REPS2: variants seen among roughly 807,000 people sequenced by gnomAD.
REPS2 encodes the protein ralBP1-associated Eps domain-containing protein 2.
In REPS2, 23 loss-of-function variants were observed where a neutral mutation model predicts 53.6. The ratio of observed to expected loss-of-function variants is 0.43; its 90% CI spans 0.31 to 0.61. The LOEUF (loss-of-function observed/expected upper bound fraction) is 0.61. REPS2 is among the 20% of genes least tolerant of loss of function. The pLI is 0.11. For missense variants in REPS2, 446 were observed against 534.9 expected, an observed-to-expected ratio of 0.83 and a Z score of 1.64; for synonymous variants, 238 against 218.6, an observed-to-expected ratio of 1.09 and a Z score of -0.78.
In REPS2 at chrX:17,052,386, T is replaced by C. The variant is rs747246263; in HGVS notation, c.912T>C (p.Ser304=). ...TTAAACAATGGCACTTGACAGGTTCTGTGGCCAAGAACTTCTTCACCAAAT... is the reference window on the plus strand; with the variant it reads ...TTAAACAATGGCACTTGACAGGTTCCGTGGCCAAGAACTTCTTCACCAAAT... The part of the protein sequence containing the change: ...QPDPSSFISG[S]VAKNFFTKSK... Residue 304 remains serine (S), a synonymous_variant, in exon 7 of 18, where the codon TCT becomes TCC. Coordinates refer to ENST00000357277, the MANE Select transcript of REPS2 (RefSeq NM_004726.3). The C allele has an allele frequency of 1.7e-6, 2 of 1,206,920 alleles. No homozygotes were observed. Among genetic ancestry groups the C allele is most frequent in the Admixed American group, 4.4e-5 (2 of 45,522 alleles).
intron 1 of REPS2, among the ~76,000 whole-genome samples, chrX:17,004,521 C>T (rs1283287080): frequency 2.8e-5 from 3 of 106,826 alleles, no homozygotes; most frequent in African/African-American, 6.9e-5. Flanking sequence ...TGGTATGTCT[C>T]TTGGAGGTTT....
At chrX:17,071,961 G>T (rs1299864538) in intron 11 of REPS2, among the ~76,000 whole-genome samples, 1 of 111,654 alleles carries the variant, frequency 9.0e-6, no homozygotes, top group Non-Finnish European at 1.9e-5. Flanking sequence ...ATTCAGCAGA[G>T]CACCATGCAC....
At chrX:16,967,016 A>G (rs1157038105) in intron 1 of REPS2, among the ~76,000 whole-genome samples, 2 of 112,097 alleles carry the variant, frequency 1.8e-5, no homozygotes, top group Non-Finnish European at 3.8e-5. Flanking sequence ...CTTCATATTG[A>G]AAGCATTCTT....
intron 13 of REPS2, among the ~76,000 whole-genome samples, chrX:17,090,309 G>C (rs762980154): frequency 3.6e-5 from 4 of 112,483 alleles, no homozygotes; most frequent in Non-Finnish European, 5.6e-5. Context: ...AATCATGGCA[G>C]AAGGCTAAAG....
At chrX:17,067,791 G>A (rs2062245100) in intron 9 of REPS2, among the ~76,000 whole-genome samples, 1 of 111,876 alleles carries the variant, frequency 8.9e-6, no homozygotes, top group Non-Finnish European at 1.9e-5. Flanking sequence ...ATAAAGAACA[G>A]GTTTGTTCTT....
the REPS2 span, among the ~76,000 whole-genome samples, chrX:17,192,443 A>G: frequency 9.0e-6 from 1 of 111,470 alleles, no homozygotes; most frequent in African/African-American, 3.3e-5. Context: ...CTATTGTATC[A>G]ATTTGCCTCC....
At chrX:17,018,212 CT>C (rs200578522) in intron 2 of REPS2, among the ~76,000 whole-genome samples, 258 of 92,214 alleles carry the variant, frequency 2.8e-3, no homozygotes, top group African/African-American at 9.8e-3. Flanking sequence ...TGGCAACTGC[CT>C]TTTTTTTTTT....
intron 2 of REPS2, among the ~76,000 whole-genome samples, chrX:17,011,057 C>CTG (rs60541913): frequency 0.021 from 2,128 of 102,412 alleles, 49 homozygotes; most frequent in African/African-American, 0.054. Context: ...TTTGCTTAAA[C>CTG]TGTGTGTGTG....
At chrX:17,104,217 G>A (rs1038854560) in intron 14 of REPS2, among the ~76,000 whole-genome samples, 1 of 111,938 alleles carries the variant, frequency 8.9e-6, no homozygotes, top group Non-Finnish European at 1.9e-5. Context: ...TAGTGCCGTG[G>A]TTTTGGCCTA....
chrX:16,970,900 C>T (rs745382749), intron 1 of REPS2, among the ~76,000 whole-genome samples: 1 of 112,460 alleles, frequency 8.9e-6, no homozygotes, highest in African/African-American at 3.2e-5. Flanking sequence ...AGTTGACAGA[C>T]ATTTGGGTCA....
the REPS2 span, among the ~76,000 whole-genome samples, chrX:17,158,519 A>G: frequency 8.9e-6 from 1 of 112,056 alleles, no homozygotes; most frequent in Non-Finnish European, 1.9e-5. Context: ...AAGAATGCAT[A>G]GGATAATATC....
chrX:17,087,035 T>G (rs980463432), intron 13 of REPS2, among the ~76,000 whole-genome samples: 3 of 112,190 alleles, frequency 2.7e-5, no homozygotes, highest in African/African-American at 9.7e-5. Context: ...TCAGTGGATT[T>G]GTGGGCAGGG....
intron 1 of REPS2, among the ~76,000 whole-genome samples, chrX:16,950,799 A>T (rs2060496529): frequency 8.8e-6 from 1 of 113,009 alleles, no homozygotes; most frequent in Non-Finnish European, 1.9e-5. Context: ...CTGTAGTCCC[A>T]GTGCTTTGGG....
Position 16,949,026 on chromosome X carries a change from A to G in REPS2, c.273+1892A>G, listed in dbSNP as rs776075005. ...GGACATGTGATCCTAAGAGAGTCAA[A>G]CAAAGTCAGCAACCAGCAGACACCT... On this transcript the variant is annotated intron_variant, in intron 1 of 17. Coordinates refer to ENST00000357277, the MANE Select transcript of REPS2 (RefSeq NM_004726.3). 1.9e-3 allele frequency among the ~76,000 whole-genome samples: 207 copies of G among 110,534 alleles called. 1 individual carries two copies. Among genetic ancestry groups the G allele is most frequent in the Non-Finnish European group, 2.9e-3 (152 of 52,903 alleles).
intron 6 of REPS2, among the ~76,000 whole-genome samples, chrX:17,050,201 T>TTCTTTCTTTC (rs2061979085): frequency 1.3e-5 from 1 of 75,185 alleles, no homozygotes; most frequent in East Asian, 7.4e-4. Flanking sequence ...TTTCTTTTTT[T>TTCTTTCTTTC]TTTTTTTTTG....
chrX:17,077,929 C>T (rs998378213), intron 13 of REPS2, among the ~76,000 whole-genome samples: 13 of 112,241 alleles, frequency 1.2e-4, no homozygotes, highest in African/African-American at 4.2e-4. Context: ...GGTCCTAGGG[C>T]AAGGGCTCCT....
intron 1 of REPS2, among the ~76,000 whole-genome samples, chrX:16,971,923 C>T (rs1301956809): frequency 8.9e-6 from 1 of 112,091 alleles, no homozygotes; most frequent in East Asian, 2.8e-4. Context: ...GCTCCCTGAT[C>T]TAAAATTAAA....
chrX:17,068,325 A>AAT, intron 9 of REPS2, 77 bp from the exon 10 acceptor site: 3 of 835,551 alleles, frequency 3.6e-6, no homozygotes, highest in South Asian at 2.5e-5. Flanking sequence ...AAAAAAAAAA[A>AAT]TTTTTTTTCA....
chrX:16,966,419 G>A (rs1301410919), intron 1 of REPS2, among the ~76,000 whole-genome samples: 2 of 112,048 alleles, frequency 1.8e-5, no homozygotes, highest in Middle Eastern at 4.6e-3. Context: ...TCAGACTTTG[G>A]AATATTTGCG....
Sources: allele counts gnomAD v4.1 joint callset (sites outside exome capture counted in the v4.1 genomes callset), GRCh38; gene constraint gnomAD v4.1.1; transcripts MANE v1.5; gene names NCBI Gene and HGNC (gene_info 2026-07-23, HGNC 2026-07-21).